KIAA0825: variants seen among roughly 807,000 people sequenced by gnomAD.
KIAA0825 encodes the protein KIAA0825.
In KIAA0825, 119 loss-of-function variants were observed where a neutral mutation model predicts 147.6. The observed-to-expected ratio is 0.81, with a 90% CI of 0.69 to 0.94. The LOEUF (loss-of-function observed/expected upper bound fraction) is 0.94, where lower values mean the gene tolerates loss of function less well. Among genes scored for constraint, KIAA0825 ranks in the 40% least tolerant of loss-of-function variants. The pLI, the probability that KIAA0825 is intolerant of heterozygous loss-of-function variation, is 0.00. For synonymous variants in KIAA0825, 470 were observed against 518.1 expected, an observed-to-expected ratio of 0.91 and a Z score of 1.26; for missense variants, 1,381 against 1,472.7, an observed-to-expected ratio of 0.94 and a Z score of 1.02.
chr5:94,468,698 C>T (rs965008672), intron 10 of KIAA0825, among the ~76,000 whole-genome samples: 3 of 152,072 alleles, frequency 2.0e-5, no homozygotes, highest in Non-Finnish European at 2.9e-5. Context: ...GTTGTAGCAA[C>T]ATTTATTATG....
chr5:94,273,605 GT>G (rs1335239414), intron 20 of KIAA0825, among the ~76,000 whole-genome samples: 2 of 152,064 alleles, frequency 1.3e-5, no homozygotes, highest in East Asian at 3.9e-4. Context: ...TAGTTAAAAT[GT>G]TTATCTATCA....
chr5:94,519,948 T>C, intron 5 of KIAA0825: 1 of 946,016 alleles, frequency 1.1e-6, no homozygotes, highest in Non-Finnish European at 1.3e-6. Context: ...TATATGTGTG[T>C]ATACACACAG....
chr5:94,169,532 A>G (rs574378881), intron 20 of KIAA0825, among the ~76,000 whole-genome samples: 1 of 149,442 alleles, frequency 6.7e-6, no homozygotes, highest in East Asian at 2.0e-4. Context: ...CAGTGAGCCA[A>G]GGTGGTGCCA....
At chr5:94,282,171 T>C (rs1043259829) in intron 20 of KIAA0825, among the ~76,000 whole-genome samples, 11 of 152,264 alleles carry the variant, frequency 7.2e-5, no homozygotes, top group Non-Finnish European at 1.5e-4. Flanking sequence ...GAAGGTTCTA[T>C]TGCCATTTAA....
At chr5:94,265,253 C>G (rs1448227291) in intron 20 of KIAA0825, among the ~76,000 whole-genome samples, 1 of 152,160 alleles carries the variant, frequency 6.6e-6, no homozygotes, top group African/African-American at 2.4e-5. Context: ...ATCATTGGCA[C>G]TATTCTATGC....
At chr5:94,159,545 A>G (rs1767350451) in intron 20 of KIAA0825, among the ~76,000 whole-genome samples, 1 of 152,130 alleles carries the variant, frequency 6.6e-6, no homozygotes, top group South Asian at 2.1e-4. Context: ...CTTTTCTATC[A>G]ATCAATCAAT....
intron 20 of KIAA0825, among the ~76,000 whole-genome samples, chr5:94,236,185 G>GA (rs1382928532): frequency 1.3e-5 from 2 of 152,200 alleles, no homozygotes; most frequent in Non-Finnish European, 2.9e-5. Context: ...AATCCACCTG[G>GA]AAAGGATTCA....
At chr5:94,528,131 G>A (rs1769721496) in intron 3 of KIAA0825, among the ~76,000 whole-genome samples, 1 of 152,136 alleles carries the variant, frequency 6.6e-6, no homozygotes, top group Non-Finnish European at 1.5e-5. Context: ...TCAAAAAGTT[G>A]TAATTACACT....
Position 94,433,270 on chromosome 5 carries a change from G to A in KIAA0825, c.2497+6712C>T, listed in dbSNP as rs527787648. 1.3e-3 allele frequency among the ~76,000 whole-genome samples: 197 copies of A among 152,166 alleles called. 2 individuals are homozygous for A. Among genetic ancestry groups the A allele is most frequent in the Admixed American group, 0.01 (155 of 15,276 alleles). On this transcript the variant is annotated intron_variant, in intron 14 of 20. Coordinates refer to ENST00000682413, the MANE Select transcript of KIAA0825 (RefSeq NM_001145678.3). ...TCTCGATCTCCTGACCTCGTGATCC[G>A]CCAGCCTCAGCCTCCCAAAGTGCTG...
intron 20 of KIAA0825, among the ~76,000 whole-genome samples, chr5:94,373,917 C>A (rs890434725): frequency 6.6e-6 from 1 of 151,754 alleles, no homozygotes; most frequent in Non-Finnish European, 1.5e-5. Context: ...AAACAGATAT[C>A]CAATAGTCAT....
At chr5:94,212,253 G>A (rs917911047) in intron 20 of KIAA0825, among the ~76,000 whole-genome samples, 4 of 152,032 alleles carry the variant, frequency 2.6e-5, no homozygotes, top group African/African-American at 7.2e-5. Context: ...CAAAACGATC[G>A]AATTCTTCAA....
intron 20 of KIAA0825, among the ~76,000 whole-genome samples, chr5:94,175,501 G>C (rs1425661297): frequency 6.6e-6 from 1 of 152,178 alleles, no homozygotes; most frequent in African/African-American, 2.4e-5. Context: ...ACTCCCAAGA[G>C]AATAATCCAG....
At chr5:94,336,084 T>C (rs928287375) in intron 20 of KIAA0825, among the ~76,000 whole-genome samples, 1 of 152,048 alleles carries the variant, frequency 6.6e-6, no homozygotes, top group Non-Finnish European at 1.5e-5. Flanking sequence ...TCATAAATCA[T>C]TGCAGCCAGG....
Position 94,565,345 on chromosome 5 carries a change from CT to C in KIAA0825, c.-2+17087del, listed in dbSNP as rs200278201. ...CATGTTTATAGCAGGATTTTAATTC[CT>C]TTTTTTTTTTTTTTGAGACAGAATC... is the stretch of plus-strand genomic sequence containing the variant. On this transcript the variant is annotated intron_variant, in intron 2 of 20. Transcript: ENST00000682413. 3.5e-3 allele frequency among the ~76,000 whole-genome samples: 479 copies of C among 136,894 alleles called. 2 individuals are homozygous for C. Among genetic ancestry groups the C allele is most frequent in the Middle Eastern group, 7.5e-3 (2 of 266 alleles). 89.8% of individuals were successfully genotyped at this position (136,894 alleles called of 152,430 possible).
At chr5:94,244,068 T>C (rs541311875) in intron 20 of KIAA0825, among the ~76,000 whole-genome samples, 1 of 152,206 alleles carries the variant, frequency 6.6e-6, no homozygotes, top group South Asian at 2.1e-4. Flanking sequence ...TAGCACGGGG[T>C]TCTGGTTCCA....
intron 20 of KIAA0825, among the ~76,000 whole-genome samples, chr5:94,333,545 G>A (rs1781492667): frequency 6.6e-6 from 1 of 152,074 alleles, no homozygotes; most frequent in Admixed American, 6.6e-5. Flanking sequence ...GTAGATGTGT[G>A]GTGTTATTTC....
chr5:94,560,838 C>T (rs1040464815), intron 2 of KIAA0825, among the ~76,000 whole-genome samples: 6 of 152,180 alleles, frequency 3.9e-5, no homozygotes, highest in East Asian at 1.9e-4. Flanking sequence ...TACATGTGCG[C>T]GTGTACGCAC....
intron 2 of KIAA0825, among the ~76,000 whole-genome samples, chr5:94,542,817 AAG>A (rs1314203291): frequency 4.6e-5 from 7 of 152,254 alleles, no homozygotes; most frequent in African/African-American, 1.7e-4. Context: ...AAAAAAAAGA[AAG>A]AAAAAAAAAG....
At chr5:94,237,906 T>C (rs1775142529) in intron 20 of KIAA0825, among the ~76,000 whole-genome samples, 1 of 152,096 alleles carries the variant, frequency 6.6e-6, no homozygotes, top group South Asian at 2.1e-4. Context: ...AGCTTTTGAG[T>C]CTTCTGTATT....
Sources: gnomAD v4.1 joint callset for allele counts (sites outside exome capture counted in the v4.1 genomes callset) on GRCh38, gnomAD v4.1.1 for gene constraint, MANE v1.5 for transcripts, NCBI Gene and HGNC (gene_info 2026-07-23, HGNC 2026-07-21) for gene names.